Variants in TMEM117 observed in about 807,000 individuals in gnomAD.
TMEM117 encodes the protein transmembrane protein 117.
TMEM117 carries 27 observed loss-of-function variants against 52.4 expected under a neutral mutation model. The ratio of observed to expected loss-of-function variants is 0.51; its 90% CI spans 0.38 to 0.71. The LOEUF (loss-of-function observed/expected upper bound fraction) is 0.71. TMEM117 is among the 30% of genes least tolerant of loss of function. The pLI, the probability that TMEM117 is intolerant of heterozygous loss-of-function variation, is 0.00. For missense variants in TMEM117, 556 were observed against 630.5 expected (o/e 0.88, Z 1.26); for synonymous variants, 215 against 206.3 (o/e 1.04, Z -0.36).
intron 3 of TMEM117, among the ~76,000 whole-genome samples, chr12:43,992,296 G>C (rs543578579): frequency 1.3e-5 from 2 of 151,848 alleles, no homozygotes; most frequent in Non-Finnish European, 2.9e-5. Context: ...ATTTAGAGAT[G>C]AGGTCTCACT....
intron 3 of TMEM117, among the ~76,000 whole-genome samples, chr12:44,106,162 C>G (rs1947950558): frequency 6.6e-6 from 1 of 152,108 alleles, no homozygotes; most frequent in Admixed American, 6.6e-5. Flanking sequence ...TTGCACTTCT[C>G]TGACAAATCC....
At chr12:43,885,007 C>T (rs1237883324) in intron 2 of TMEM117, among the ~76,000 whole-genome samples, 1 of 152,208 alleles carries the variant, frequency 6.6e-6, no homozygotes, top group East Asian at 1.9e-4. Context: ...TCTGCTTTCT[C>T]TAATAAATCT....
intron 6 of TMEM117, among the ~76,000 whole-genome samples, chr12:44,371,602 T>C (rs960663252): frequency 2.6e-5 from 4 of 152,186 alleles, no homozygotes. Flanking sequence ...CTTCTCTAAA[T>C]AGAAGTGAGG....
chr12:44,069,677 T>C (rs1432963573), intron 3 of TMEM117, among the ~76,000 whole-genome samples: 1 of 152,230 alleles, frequency 6.6e-6, no homozygotes, highest in Non-Finnish European at 1.5e-5. Context: ...AGGAGGAACA[T>C]GATCTGATTT....
At chr12:43,899,349 A>AC (rs1374539327) in intron 2 of TMEM117, among the ~76,000 whole-genome samples, 1 of 152,228 alleles carries the variant, frequency 6.6e-6, no homozygotes, top group Non-Finnish European at 1.5e-5. Context: ...GATAATTTGT[A>AC]AAAGATTCTG....
intron 6 of TMEM117, among the ~76,000 whole-genome samples, chr12:44,365,753 T>TATG (rs1403265530): frequency 2.0e-5 from 3 of 151,222 alleles, no homozygotes; most frequent in Non-Finnish European, 4.4e-5. Flanking sequence ...GATTTTCTTT[T>TATG]ATTATTATTA....
At chr12:44,231,341 T>A (rs1949930501) in intron 5 of TMEM117, among the ~76,000 whole-genome samples, 1 of 151,928 alleles carries the variant, frequency 6.6e-6, no homozygotes, top group Admixed American at 6.6e-5. Context: ...TTGCATTGTA[T>A]TACATTGTAT....
intron 5 of TMEM117, among the ~76,000 whole-genome samples, chr12:44,287,921 G>A (rs74084470): frequency 6.6e-6 from 1 of 152,264 alleles, no homozygotes; most frequent in African/African-American, 2.4e-5. Context: ...GTTAATTGGT[G>A]GTTAATTTGT....
chr12:43,801,924 A>G, the TMEM117 span, among the ~76,000 whole-genome samples: 10 of 152,120 alleles, frequency 6.6e-5, no homozygotes, highest in Admixed American at 6.6e-4. Context: ...CAGCTACTCA[A>G]GAGGCTGAGG....
chr12:44,241,425 T>G (rs1451590726), intron 5 of TMEM117, among the ~76,000 whole-genome samples: 1 of 151,928 alleles, frequency 6.6e-6, no homozygotes, highest in Non-Finnish European at 1.5e-5. Context: ...TTAATTTGTA[T>G]TTTTCTTACT....
At chr12:43,850,397 T>G (rs1360061497) in intron 2 of TMEM117, among the ~76,000 whole-genome samples, 1 of 152,244 alleles carries the variant, frequency 6.6e-6, no homozygotes, top group Admixed American at 6.5e-5. Flanking sequence ...ATTTATGATC[T>G]ACTTCTTCCT....
chr12:44,095,325 A>AT (rs1043947406), intron 3 of TMEM117, among the ~76,000 whole-genome samples: 22 of 152,226 alleles, frequency 1.4e-4, no homozygotes, highest in African/African-American at 5.1e-4. Context: ...AAAACAGACC[A>AT]TTTTTTGGCA....
At chr12:43,989,189 G>A (rs1365858041) in intron 3 of TMEM117, among the ~76,000 whole-genome samples, 1 of 152,094 alleles carries the variant, frequency 6.6e-6, no homozygotes, top group African/African-American at 2.4e-5. Flanking sequence ...TATTTAAAAA[G>A]TAGGTTTACA....
In TMEM117 at chr12:43,925,094, C is replaced by T. The variant is rs151265567; in HGVS notation, c.278-19116C>T. ...TCCTCGTGCCGTAATAGTTGATTTC[C>T]TCCAGAGACAGCAACTCGAGAGAGG... On this transcript the variant is annotated intron_variant, in intron 2 of 7. Transcript: ENST00000266534. Among the ~76,000 whole-genome samples the T allele has an allele frequency of 3.9e-3, 601 of 152,176 alleles. 20 individuals carry two copies. The highest frequency in any genetic ancestry group is 0.035 in the Admixed American group (540 of 15,268).
At chr12:43,966,570 A>G (rs1391808661) in intron 3 of TMEM117, among the ~76,000 whole-genome samples, 2 of 152,164 alleles carry the variant, frequency 1.3e-5, no homozygotes, top group African/African-American at 4.8e-5. Context: ...CTAAGGGGAA[A>G]TCTTCACCTT....
chr12:44,133,658 C>A (rs73288075), intron 3 of TMEM117, among the ~76,000 whole-genome samples: 4,651 of 152,188 alleles, frequency 0.031, 160 homozygotes, highest in African/African-American at 0.083. Context: ...GCAATGAGAA[C>A]TAATTCACTT....
intron 2 of TMEM117, among the ~76,000 whole-genome samples, chr12:43,915,921 C>G (rs1293393621): frequency 1.3e-5 from 2 of 152,090 alleles, no homozygotes; most frequent in Non-Finnish European, 2.9e-5. Context: ...TTCAGCACCC[C>G]CCTCAACCTC....
intron 3 of TMEM117, among the ~76,000 whole-genome samples, chr12:43,950,545 T>C (rs1039745588): frequency 7.1e-4 from 3 of 4,198 alleles, no homozygotes; most frequent in African/African-American, 9.0e-4. Context: ...ATTTTTTTTT[T>C]CTCAAAAAAA....
chr12:43,882,467 A>AAC (rs1321108934), intron 2 of TMEM117, among the ~76,000 whole-genome samples: 1 of 151,598 alleles, frequency 6.6e-6, no homozygotes, highest in Non-Finnish European at 1.5e-5. Flanking sequence ...TCTCAAAAAA[A>AAC]AAAAAAAAAA....
Sources: gnomAD v4.1 joint callset for allele counts (sites outside exome capture counted in the v4.1 genomes callset) on GRCh38, gnomAD v4.1.1 for gene constraint, MANE v1.5 for transcripts, NCBI Gene and HGNC (gene_info 2026-07-23, HGNC 2026-07-21) for gene names.